The following GPR162 variants were observed in gnomAD, a reference collection of about 807,000 sequenced individuals.
The protein encoded by GPR162 is G protein-coupled receptor 162, also known as probable G protein-coupled receptor 162.
Under a neutral mutation model 44.9 loss-of-function variants are expected in GPR162, and 26 were observed. That is an observed-to-expected ratio of 0.58 (90% confidence interval 0.42 to 0.80). The LOEUF (loss-of-function observed/expected upper bound fraction) is 0.80, where lower values mean the gene tolerates loss of function less well. GPR162 is among the 30% of genes least tolerant of loss of function. The probability of loss-of-function intolerance (pLI) is 0.00; values close to 1 mark genes in which losing one functional copy is unlikely to be tolerated. For synonymous variants in GPR162, 363 were observed against 335.2 expected, an observed-to-expected ratio of 1.08 and a Z score of -0.91; for missense variants, 704 against 802.3, an observed-to-expected ratio of 0.88 and a Z score of 1.48.
rs1943310060 is a variant in GPR162, at chr12:6,823,563, C to G, written c.-336C>G. 1.9e-6 allele frequency: 1 copy of G among 523,540 alleles called. No homozygotes were observed. The highest frequency in any genetic ancestry group is 1.9e-5 in the African/African-American group (1 of 51,918). The allele number at this position is 523,540 out of a possible 1,614,324, so 32.4% of individuals were successfully genotyped here. On this transcript the variant is annotated 5_prime_UTR_variant, in exon 2 of 5. Coordinates refer to ENST00000311268, the MANE Select transcript of GPR162 (RefSeq NM_019858.2). ...CAGAGGCAAAAGAGACCTGGAAGTC[C>G]CAGCATGGGGACCAGAACCCCCCAG...
In GPR162 at chr12:6,826,892, T is replaced by G. The variant is rs782186100; in HGVS notation, c.1455T>G (p.Ser485Arg). 6.2e-7 allele frequency: 1 copy of G among 1,612,746 alleles called. No homozygotes were observed. Among genetic ancestry groups the G allele is most frequent in the South Asian group, 1.1e-5 (1 of 91,034 alleles). Reference sequence around the variant, plus strand: ...CCAGCCTTCGCCAATTCTTGGAGAGTGGGGTTCTGGGGTCAGGTGGGGGAC... The same window carrying G: ...CCAGCCTTCGCCAATTCTTGGAGAGGGGGGTTCTGGGGTCAGGTGGGGGAC... ...GLASLRQFLESGVLGSGGGPP... is the reference protein window; with the variant it reads ...GLASLRQFLERGVLGSGGGPP... The change falls in exon 5 of 5, where the codon AGT becomes AGG. Residue 485 changes from serine to arginine, a missense_variant. Transcript: ENST00000311268.
rs782569847 is a variant in GPR162, at chr12:6,826,837, A to G, written c.1400A>G (p.Asp467Gly). The G allele has an allele frequency of 7.4e-6, 12 of 1,611,018 alleles. No homozygotes were observed. Among genetic ancestry groups the G allele is most frequent in the South Asian group, 3.3e-5 (3 of 90,792 alleles). Reference sequence around the variant, plus strand: ...AGACACAGGTTGGAGGACGAGGAGGACGAGGAAGAGGCTGAAGGTGGGGGG... The same window carrying G: ...AGACACAGGTTGGAGGACGAGGAGGGCGAGGAAGAGGCTGAAGGTGGGGGG... ...GQRHRLEDEE[D>G]EEEAEGGGLA... The change falls in exon 5 of 5, where the codon GAC (aspartate) becomes GGC (glycine). Residue 467 changes from aspartate (D) to glycine (G), a missense_variant. Around this residue, in one of 6 missense-constraint regions of GPR162, gnomAD observed 404 missense variants for 314.1 expected, o/e 1.29. Transcript: ENST00000311268.
Position 6,825,484 on chromosome 12 carries a change from G to A in GPR162, c.868G>A (p.Val290Met). The A allele has an allele frequency of 1.9e-6, 3 of 1,603,190 alleles. No homozygotes were observed. Among genetic ancestry groups the A allele is most frequent in the Non-Finnish European group, 2.6e-6 (3 of 1,175,274 alleles). Residue 290 changes from valine to methionine, a missense_variant and splice_region_variant, in exon 3 of 5, where the codon GTG (valine) becomes ATG (methionine). Coordinates refer to ENST00000311268, the MANE Select transcript of GPR162 (RefSeq NM_019858.2). The part of the protein sequence containing the change: ...YDSLTGVPIL[V>M]VSFFSLKSDS... ...CCAGCCCGCTCCCACCCTTCCCCAG[G>A]TGGTGAGCTTCTTCTCCCTCAAGTC...
rs376023985 is a variant in GPR162 at position 6,826,707 on chromosome 12, C to T, written c.1270C>T (p.Arg424Trp). Residue 424 changes from arginine (R) to tryptophan (W), a missense_variant, in exon 5 of 5, where the codon CGG (arginine) becomes TGG (tryptophan). By Grantham distance (101) the Arg-to-Trp change is moderately radical (BLOSUM62 -3). This residue lies in a region of GPR162 where 404 missense variants were observed against 314.1 expected (regional missense o/e 1.29). Transcript: ENST00000311268. ...HDETNIFSTP[R>W]EPGSFLHKWS... ...TGAGACAAACATCTTCTCTACCCCT[C>T]GGGAACCAGGCTCCTTCCTGCACAA... 231 of 1,549,542 alleles carry T rather than the reference C, an allele frequency of 1.5e-4. No individual in the cohort carries two copies. Among genetic ancestry groups the T allele is most frequent in the Middle Eastern group, 5.2e-4 (3 of 5,754 alleles).
Position 6,827,084 on chromosome 12 carries a change from A to G in GPR162, c.1647A>G (p.Gly549=), listed in dbSNP as rs782183524. ...SLGSPESRAV[G]LPLGLSAGRR... ...GGTCCCCTGAGAGCAGAGCCGTTGG[A>G]CTTCCTTTGGGACTAAGCGCAGGGA... The change falls in exon 5 of 5, where the codon GGA becomes GGG. Residue 549 remains glycine (G), a synonymous_variant. Coordinates refer to ENST00000311268, the MANE Select transcript of GPR162 (RefSeq NM_019858.2). 3.1e-6 allele frequency: 5 copies of G among 1,613,366 alleles called. No individual in the cohort carries two copies. In the Admixed American group the frequency reaches 6.7e-5, roughly 22 times the overall value.
chr12:6,823,663 C>A lies in GPR162; in HGVS notation c.-236C>A. 1 of 1,161,084 alleles carries A rather than the reference C, an allele frequency of 8.6e-7. No homozygotes were observed. The highest frequency in any genetic ancestry group is 1.3e-6 in the Non-Finnish European group (1 of 799,370). The allele number at this position is 1,161,084 out of a possible 1,614,324, so 71.9% of individuals were successfully genotyped here. A position where few individuals can be genotyped will look rare whatever the true frequency, so the allele number is the denominator to read the frequency against. On this transcript the variant is annotated 5_prime_UTR_variant, in exon 2 of 5. Transcript: ENST00000311268. ...AGGGATGCTTAAGGAAGGCCCCGCC[C>A]AGTATGAAAGCTGAGGATTGCCTCT...
In GPR162 at chr12:6,826,652, G is replaced by A; in HGVS notation, c.1216-1G>A. On this transcript the variant is annotated splice_acceptor_variant, in intron 4 of 4. Coordinates refer to ENST00000311268, the MANE Select transcript of GPR162 (RefSeq NM_019858.2). LOFTEE classifies it high-confidence loss of function. The stretch of plus-strand genomic sequence containing the variant: ...CAGGTCTTACCCGCTCCTCTTCCCA[G>A]GTCCCCCTATCCCGGCGTCTGTCCC... The A allele has an allele frequency of 6.6e-7, 1 of 1,518,942 alleles. No individual in the cohort carries two copies. Among genetic ancestry groups the A allele is most frequent in the Non-Finnish European group, 8.8e-7 (1 of 1,135,516 alleles). The allele number at this position is 1,518,942 out of a possible 1,614,324, so 94.1% of individuals were successfully genotyped here. A position where few individuals can be genotyped will look rare whatever the true frequency, so the allele number is the denominator to read the frequency against.
Position 6,824,178 on chromosome 12 carries a change from G to A in GPR162, c.280G>A (p.Val94Met), listed in dbSNP as rs1555119611. 6.2e-7 allele frequency: 1 copy of A among 1,613,858 alleles called. No individual in the cohort carries two copies. The highest frequency in any genetic ancestry group is 8.5e-7 in the Non-Finnish European group (1 of 1,180,012). The stretch of plus-strand genomic sequence containing the variant: ...GAACGAGAGTATCTGCAAGGTCTTC[G>A]TGTCCACCTACTACACCCTGGCGCT... ...DWNESICKVF[V>M]STYYTLALAT... The change falls in exon 2 of 5, where the codon GTG (valine) becomes ATG (methionine). Residue 94 changes from valine to methionine, a missense_variant. Val to Met is a conservative substitution (Grantham distance 21). This residue lies in a region of GPR162 where 110 missense variants were observed against 206.2 expected (regional missense o/e 0.53). Transcript: ENST00000311268.
At chr12:6,826,383 C>G (rs782818815) in intron 4 of GPR162, 30 bp downstream of exon 4, 1 of 1,578,072 alleles carries the variant, frequency 6.3e-7, no homozygotes, top group African/African-American at 1.4e-5. Context: ...ATCTCCTACC[C>G]TTGGTGCCGC....
At chr12:6,824,958 C>A in intron 2 of GPR162, 193 bp downstream of exon 2, 1 of 705,994 alleles carries the variant, frequency 1.4e-6, no homozygotes, top group Non-Finnish European at 2.6e-6. Flanking sequence ...TTAGTTCCCA[C>A]TACCCTGTTT....
rs782611594 is a variant in GPR162 at position 6,824,426 on chromosome 12, C to T, written c.528C>T (p.Gly176=). The change falls in exon 2 of 5, where the codon GGC becomes GGT. Residue 176 remains glycine (G), a synonymous_variant. Coordinates refer to ENST00000311268, the MANE Select transcript of GPR162 (RefSeq NM_019858.2). The part of the protein sequence containing the change: ...RGCQFIVSKI[G]LGFGVCFSLL... ...GCCAGTTCATAGTCTCCAAGATCGG[C>T]CTCGGCTTTGGCGTTTGCTTCAGCC... 2 of 1,614,230 alleles carry T rather than the reference C, an allele frequency of 1.2e-6. No homozygotes were observed. The highest frequency in any genetic ancestry group is 1.1e-5 in the South Asian group (1 of 91,088).
Position 6,822,994 on chromosome 12 carries a change from G to A in GPR162, c.-431-474G>A, listed in dbSNP as rs976841265. Among the ~76,000 whole-genome samples, 1 of 152,190 alleles carries A rather than the reference G, an allele frequency of 6.6e-6. No homozygotes were observed. Among genetic ancestry groups the A allele is most frequent in the South Asian group, 2.1e-4 (1 of 4,830 alleles). On this transcript the variant is annotated intron_variant, in intron 1 of 4. Coordinates refer to ENST00000311268, the MANE Select transcript of GPR162 (RefSeq NM_019858.2). The surrounding 1 kb of genome is among the most constrained non-coding windows in gnomAD (Gnocchi z 4.2). Reference sequence around the variant, plus strand: ...GCTGGAGGGTGATCACCCAGGTTTGGGGAAGTAGGGGCTAAGCACCAAGAC... The same window carrying A: ...GCTGGAGGGTGATCACCCAGGTTTGAGGAAGTAGGGGCTAAGCACCAAGAC...
At position 6,827,196 on chromosome 12, in the gene GPR162, A is replaced by AG; in HGVS notation, c.1759_1760insG (p.Thr587SerfsTer19). The AG allele has an allele frequency of 6.2e-7, 1 of 1,605,178 alleles. No homozygotes were observed. The highest frequency in any genetic ancestry group is 8.5e-7 in the Non-Finnish European group (1 of 1,175,684). On this transcript the variant is annotated frameshift_variant, in exon 5 of 5. Coordinates refer to ENST00000311268, the MANE Select transcript of GPR162 (RefSeq NM_019858.2). LOFTEE classifies it high-confidence loss of function. ...AGGCAACCCCATCTTTCCCCAGCTGACCCTGTGAGCCCAAGCAGGCCTGCT... is the reference window on the plus strand; with the variant it reads ...AGGCAACCCCATCTTTCCCCAGCTGAGCCCTGTGAGCCCAAGCAGGCCTGCT...
chr12:6,822,712 G>GCTCC lies in GPR162; in HGVS notation c.-431-739_-431-736dup, dbSNP rs571939427. Reference sequence around the variant, plus strand: ...TTTTCTTCTCAGCCTCCTATTCCCTGCTCCCTCCCTCCCTCCCTCCTCCAG... The same window carrying GCTCC: ...TTTTCTTCTCAGCCTCCTATTCCCTGCTCCCTCCCTCCCTCCCTCCCTCCTCCAG... On this transcript the variant is annotated intron_variant, in intron 1 of 4. Transcript: ENST00000311268. This position sits in a 1 kb window ranked among gnomAD's most constrained non-coding sequence, Gnocchi z 4.2. 4.0e-5 allele frequency among the ~76,000 whole-genome samples: 6 copies of GCTCC among 151,832 alleles called. No homozygotes were observed. Among genetic ancestry groups the GCTCC allele is most frequent in the South Asian group, 2.1e-4 (1 of 4,794 alleles).
At chr12:6,826,464 A>C in intron 4 of GPR162, 111 bp downstream of exon 4, 1 of 1,195,988 alleles carries the variant, frequency 8.4e-7, no homozygotes, top group Non-Finnish European at 1.2e-6. Flanking sequence ...TCAGGGCACC[A>C]TAGAGCTGGG....
At chr12:6,824,846 A>C (rs917970345) in intron 2 of GPR162, 81 bp downstream of exon 2, 1 of 1,081,368 alleles carries the variant, frequency 9.2e-7, no homozygotes, top group African/African-American at 1.5e-5. Context: ...TTCATCAGCC[A>C]TACAGCAGCT....
rs2137945087 is a variant in GPR162, at chr12:6,824,039, A to G, written c.141A>G (p.Pro47=). Residue 47 remains proline, a synonymous_variant, in exon 2 of 5, where the codon CCA becomes CCG. Transcript: ENST00000311268. The part of the protein sequence containing the change: ...SISAKQQKHK[P]LELLLCFLAG... ...CGGCCAAGCAGCAGAAGCACAAGCC[A>G]CTGGAGCTGCTGCTCTGCTTCCTAG... 1 of 1,612,706 alleles carries G rather than the reference A, an allele frequency of 6.2e-7. No individual in the cohort carries two copies. Among genetic ancestry groups the G allele is most frequent in the East Asian group, 2.2e-5 (1 of 44,874 alleles).
intron 3 of GPR162, 129 bp from the exon 4 acceptor site, chr12:6,826,067 C>T (rs1943350259): frequency 1.4e-6 from 1 of 703,928 alleles, no homozygotes; most frequent in Non-Finnish European, 2.4e-6. Flanking sequence ...GCTAGCCACT[C>T]TCACTGTCCT....
At position 6,823,770 on chromosome 12, in the gene GPR162, C is replaced by T; in HGVS notation, c.-129C>T. 1 of 1,613,188 alleles carries T rather than the reference C, an allele frequency of 6.2e-7. No individual in the cohort carries two copies. Among genetic ancestry groups the T allele is most frequent in the South Asian group, 1.1e-5 (1 of 90,980 alleles). ...TGCAATGCTGAGCACTGGGGTGAGC[C>T]TGGGGGCAGCCTGCCTGCTGACAGG... On this transcript the variant is annotated 5_prime_UTR_variant, in exon 2 of 5. Transcript: ENST00000311268.
Sources: gnomAD v4.1 joint callset for allele counts (sites outside exome capture counted in the v4.1 genomes callset) on GRCh38, gnomAD v4.1.1 for gene constraint, gnomAD v4.1.1 regional missense constraint, Gnocchi (gnomAD v3.1) non-coding constraint, MANE v1.5 for transcripts, NCBI Gene and HGNC (gene_info 2026-07-23, HGNC 2026-07-21) for gene names.